Variants in FRMD4A observed in about 807,000 individuals in gnomAD.
The protein encoded by FRMD4A is FERM domain containing 4A.
Under a neutral mutation model 129.1 loss-of-function variants are expected in FRMD4A, and 29 were observed. That is an observed-to-expected ratio of 0.22 (90% CI 0.17 to 0.31). The LOEUF is 0.31. Ranked by LOEUF, FRMD4A falls within the 10% of genes least tolerant of loss-of-function variation. The pLI is 1.00. For missense variants in FRMD4A, 1,272 were observed against 1,375.8 expected (o/e 0.92, Z 1.19); for synonymous variants, 634 against 571.6 (o/e 1.11, Z -1.56).
chr10:13,669,182 C>T (rs1268015932), intron 17 of FRMD4A, among the ~76,000 whole-genome samples: 1 of 151,658 alleles, frequency 6.6e-6, no homozygotes. Flanking sequence ...ACCTCAGCCT[C>T]CTGAGTAGCT....
At chr10:14,185,586 G>A (rs565558651) in intron 2 of FRMD4A, among the ~76,000 whole-genome samples, 17 of 151,352 alleles carry the variant, frequency 1.1e-4, no homozygotes, top group East Asian at 3.9e-4. Context: ...CGTCTTGTAA[G>A]AAAGAGAAAC....
In FRMD4A at chr10:13,720,416, A is replaced by G. The variant is rs561430921; in HGVS notation, c.760-13303T>C. On this transcript the variant is annotated intron_variant, in intron 12 of 24. Transcript: ENST00000357447. The stretch of plus-strand genomic sequence containing the variant: ...ACAGACATAAGGAGGAGTCTGTGAA[A>G]TTAGCAGTGGGTCGCAAAAATGATT... Among the ~76,000 whole-genome samples the G allele has an allele frequency of 2.0e-5, 3 of 152,308 alleles. No homozygotes were observed. In the South Asian group the frequency reaches 6.2e-4, roughly 32 times the overall value.
intron 2 of FRMD4A, among the ~76,000 whole-genome samples, chr10:14,139,409 T>C (rs17154726): frequency 0.24 from 36,745 of 152,088 alleles, 5,327 homozygotes; most frequent in East Asian, 0.51. Flanking sequence ...ACATAGAAGT[T>C]AATAAATCCT....
rs2131299650 is a variant in FRMD4A, at chr10:13,936,744, A to G, written c.46-77832T>C. The stretch of plus-strand genomic sequence containing the variant: ...TATGGGATTCTATTATACAAGCCTG[A>G]ATAGATGAAGACCCTCTTCCTTGCA... On this transcript the variant is annotated intron_variant, in intron 2 of 24. Transcript: ENST00000357447. 1.3e-5 allele frequency among the ~76,000 whole-genome samples: 2 copies of G among 152,324 alleles called. 1 individual carries two copies. The highest frequency in any genetic ancestry group is 3.9e-4 in the East Asian group (2 of 5,184).
intron 2 of FRMD4A, among the ~76,000 whole-genome samples, chr10:14,248,444 G>A (rs113214301): frequency 9.9e-5 from 15 of 150,870 alleles, no homozygotes; most frequent in African/African-American, 3.7e-4. Context: ...CAATGTGTTC[G>A]TTATCTCTAG....
chr10:13,678,243 G>A (rs184955659), intron 15 of FRMD4A, among the ~76,000 whole-genome samples: 1 of 152,160 alleles, frequency 6.6e-6, no homozygotes. Flanking sequence ...CTCTGTATCC[G>A]CTAATGCTGG....
intron 2 of FRMD4A, among the ~76,000 whole-genome samples, chr10:14,172,559 C>A (rs564175974): frequency 1.1e-4 from 16 of 152,282 alleles, no homozygotes; most frequent in Admixed American, 3.9e-4. Flanking sequence ...ATCCACAGAT[C>A]TGTTAGGCGC....
intron 2 of FRMD4A, among the ~76,000 whole-genome samples, chr10:13,928,000 G>C: frequency 6.9e-6 from 1 of 145,800 alleles, no homozygotes; most frequent in East Asian, 2.1e-4. Flanking sequence ...GAAAAGGATA[G>C]TTATACTTAA....
chr10:13,716,890 C>T (rs1424518479), intron 12 of FRMD4A, among the ~76,000 whole-genome samples: 1 of 152,178 alleles, frequency 6.6e-6, no homozygotes, highest in Non-Finnish European at 1.5e-5. Context: ...AAAGACTTCA[C>T]CATAAAGCTT....
intron 4 of FRMD4A, among the ~76,000 whole-genome samples, chr10:13,798,203 G>C (rs2093165431): frequency 6.6e-6 from 1 of 152,188 alleles, no homozygotes; most frequent in Non-Finnish European, 1.5e-5. Context: ...TTGAGGTCTG[G>C]AGTTTGGTAT....
intron 2 of FRMD4A, among the ~76,000 whole-genome samples, chr10:14,031,257 T>G (rs527312344): frequency 6.9e-6 from 1 of 143,892 alleles, no homozygotes; most frequent in East Asian, 2.2e-4. Context: ...TCCTCCTGAA[T>G]CTTTTATAGA....
intron 21 of FRMD4A, among the ~76,000 whole-genome samples, chr10:13,658,599 G>C (rs566137909): frequency 6.6e-6 from 1 of 152,308 alleles, no homozygotes; most frequent in South Asian, 2.1e-4. Context: ...AAGAAGGTGT[G>C]GCTAGGAGCG....
chr10:14,239,640 C>T lies in FRMD4A; in HGVS notation c.45+90418G>A, dbSNP rs1352022616. 6.5e-5 allele frequency among the ~76,000 whole-genome samples: 8 copies of T among 122,464 alleles called. No homozygotes were observed. The Admixed American group carries it at 6.6e-4, about 10-fold the overall frequency. 80.3% of individuals were successfully genotyped at this position (122,464 alleles called of 152,430 possible). On this transcript the variant is annotated intron_variant, in intron 2 of 24. Transcript: ENST00000357447. The stretch of plus-strand genomic sequence containing the variant: ...AGACTCCGTCTCAAGAAAAAACAAA[C>T]AAACAAACAAACAAAAAAAAACTGG...
intron 2 of FRMD4A, among the ~76,000 whole-genome samples, chr10:14,269,640 G>T (rs1845093858): frequency 6.6e-6 from 1 of 152,118 alleles, no homozygotes; most frequent in Admixed American, 6.6e-5. Flanking sequence ...GGGATGCATT[G>T]CCATGATTAG....
chr10:13,984,216 G>A (rs1460380118), intron 2 of FRMD4A, among the ~76,000 whole-genome samples: 1 of 152,146 alleles, frequency 6.6e-6, no homozygotes. Context: ...CCACATGGCG[G>A]GGTTTTATGA....
chr10:13,981,987 G>T (rs1588666177), intron 2 of FRMD4A, among the ~76,000 whole-genome samples: 1 of 152,246 alleles, frequency 6.6e-6, no homozygotes, highest in East Asian at 1.9e-4. Context: ...CTTAGAAGCA[G>T]CTCTCTCTGA....
chr10:14,311,782 T>G (rs1302215993), intron 2 of FRMD4A, among the ~76,000 whole-genome samples: 1 of 152,138 alleles, frequency 6.6e-6, no homozygotes, highest in Non-Finnish European at 1.5e-5. Flanking sequence ...GCAAAGTGAT[T>G]TCTTCCTTCT....
intron 2 of FRMD4A, among the ~76,000 whole-genome samples, chr10:14,308,301 AG>A: frequency 6.6e-6 from 1 of 152,342 alleles, no homozygotes; most frequent in South Asian, 2.1e-4. Flanking sequence ...TGGGAAGTGA[AG>A]GGGAAGAAAT....
intron 9 of FRMD4A, among the ~76,000 whole-genome samples, chr10:13,746,030 A>G (rs1205523793): frequency 6.6e-6 from 1 of 152,226 alleles, no homozygotes. Flanking sequence ...GCAGGTTATA[A>G]TTAGAGAAAG....
Sources: gnomAD v4.1 joint callset for allele counts (sites outside exome capture counted in the v4.1 genomes callset) on GRCh38, gnomAD v4.1.1 for gene constraint, MANE v1.5 for transcripts, NCBI Gene and HGNC (gene_info 2026-07-23, HGNC 2026-07-21) for gene names.